Variants in AUTS2 observed in about 807,000 individuals in gnomAD.
AUTS2 encodes the protein autism susceptibility gene 2 protein.
AUTS2 carries 17 observed loss-of-function variants against 112.4 expected under a neutral mutation model. The ratio of observed to expected loss-of-function variants is 0.15; its 90% CI spans 0.10 to 0.23. The LOEUF (loss-of-function observed/expected upper bound fraction) is 0.23, where lower values mean the gene tolerates loss of function less well. AUTS2 is among the 10% of genes least tolerant of loss of function. The pLI, the probability that AUTS2 is intolerant of heterozygous loss-of-function variation, is 1.00. For missense variants in AUTS2, 1,510 were observed against 1,701.6 expected, an observed-to-expected ratio of 0.89 and a Z score of 1.98; for synonymous variants, 751 against 702.7, an observed-to-expected ratio of 1.07 and a Z score of -1.09.
chr7:70,430,207 G>A (rs140502123), intron 4 of AUTS2, among the ~76,000 whole-genome samples: 1 of 152,272 alleles, frequency 6.6e-6, no homozygotes, highest in South Asian at 2.1e-4. Flanking sequence ...CTTCACTTAC[G>A]CAGTTGAGTG....
intron 3 of AUTS2, among the ~76,000 whole-genome samples, chr7:70,126,665 T>C (rs1805986752): frequency 6.6e-6 from 1 of 152,174 alleles, no homozygotes; most frequent in Non-Finnish European, 1.5e-5. Flanking sequence ...ACTGAGGAAA[T>C]TTGTCAAAAG....
intron 2 of AUTS2, among the ~76,000 whole-genome samples, chr7:70,043,605 CT>C (rs1278951595): frequency 6.1e-5 from 1 of 16,456 alleles, no homozygotes; most frequent in Non-Finnish European, 1.3e-4. Flanking sequence ...TCCTTCCTTC[CT>C]TTTTTTTTTT....
At chr7:70,427,021 A>G (rs1795466100) in intron 4 of AUTS2, among the ~76,000 whole-genome samples, 1 of 149,462 alleles carries the variant, frequency 6.7e-6, no homozygotes, top group Non-Finnish European at 1.5e-5. Flanking sequence ...CAAAGCACCA[A>G]GAAACTATAT....
chr7:69,970,908 C>T (rs935240686), intron 2 of AUTS2, among the ~76,000 whole-genome samples: 1 of 152,182 alleles, frequency 6.6e-6, no homozygotes, highest in African/African-American at 2.4e-5. Flanking sequence ...TGTTGTGGCT[C>T]ATCCTTATAA....
intron 2 of AUTS2, among the ~76,000 whole-genome samples, chr7:70,117,803 C>T (rs1299488818): frequency 2.0e-5 from 3 of 151,028 alleles, no homozygotes; most frequent in Non-Finnish European, 4.4e-5. Flanking sequence ...GTCTGGAGTG[C>T]ACTGGTGCAA....
At chr7:69,722,683 CTG>C in intron 1 of AUTS2, among the ~76,000 whole-genome samples, 1 of 152,248 alleles carries the variant, frequency 6.6e-6, no homozygotes, top group Non-Finnish European at 1.5e-5. Flanking sequence ...TTTCATTTAA[CTG>C]TGTTTCATTT....
intron 4 of AUTS2, among the ~76,000 whole-genome samples, chr7:70,434,730 G>A (rs1292514085): frequency 6.6e-6 from 1 of 152,160 alleles, no homozygotes; most frequent in East Asian, 1.9e-4. Context: ...GCTAGTGTTT[G>A]TATCCCAGCT....
At chr7:70,468,982 G>A (rs1392370346) in intron 5 of AUTS2, among the ~76,000 whole-genome samples, 2 of 152,200 alleles carry the variant, frequency 1.3e-5, no homozygotes, top group African/African-American at 4.8e-5. Context: ...ACGGGACTCT[G>A]CCCTATATAA....
intron 6 of AUTS2, among the ~76,000 whole-genome samples, chr7:70,732,446 G>A (rs994543260): frequency 1.3e-5 from 2 of 152,250 alleles, no homozygotes; most frequent in African/African-American, 4.8e-5. Flanking sequence ...CTCAGTATCC[G>A]AGGTTCCTGG....
intron 4 of AUTS2, among the ~76,000 whole-genome samples, chr7:70,407,706 C>G (rs1794596245): frequency 6.6e-6 from 1 of 152,018 alleles, no homozygotes; most frequent in Non-Finnish European, 1.5e-5. Flanking sequence ...ATTGCTTGAG[C>G]CCAGGAGTTC....
chr7:70,103,288 C>A (rs1010048633), intron 2 of AUTS2, among the ~76,000 whole-genome samples: 1 of 152,184 alleles, frequency 6.6e-6, no homozygotes, highest in Non-Finnish European at 1.5e-5. Flanking sequence ...CCATCTCTTC[C>A]TTTCTGTTTA....
intron 4 of AUTS2, among the ~76,000 whole-genome samples, chr7:70,184,473 A>G (rs1470310353): frequency 2.4e-4 from 37 of 152,220 alleles, no homozygotes; most frequent in Admixed American, 2.3e-3. Flanking sequence ...CTAGAATGCA[A>G]GAACATGACT....
intron 5 of AUTS2, among the ~76,000 whole-genome samples, chr7:70,479,238 A>G (rs983888154): frequency 2.0e-5 from 3 of 152,260 alleles, no homozygotes; most frequent in African/African-American, 4.8e-5. Context: ...CTAAATGAAC[A>G]TTAATATAAA....
chr7:69,635,092 A>G (rs555433021), intron 1 of AUTS2, among the ~76,000 whole-genome samples: 1 of 152,186 alleles, frequency 6.6e-6, no homozygotes, highest in South Asian at 2.1e-4. Flanking sequence ...AACTGGCACA[A>G]ACTAAACTTG....
intron 1 of AUTS2, among the ~76,000 whole-genome samples, chr7:69,778,752 T>A (rs964303092): frequency 6.6e-6 from 1 of 152,002 alleles, no homozygotes; most frequent in African/African-American, 2.4e-5. Context: ...CTCTTAGGAG[T>A]CAGCATGATT....
intron 4 of AUTS2, among the ~76,000 whole-genome samples, chr7:70,221,019 C>T (rs137920355): frequency 5.6e-4 from 85 of 152,284 alleles, no homozygotes; most frequent in African/African-American, 2.0e-3. Flanking sequence ...CTGCTGGGCT[C>T]TGCCTCCTGA....
At chr7:70,472,369 G>GTT (rs55672214) in intron 5 of AUTS2, among the ~76,000 whole-genome samples, 59,261 of 144,134 alleles carry the variant, frequency 0.41, 12,305 homozygotes, top group African/African-American at 0.46. Context: ...TTGGGGTGGG[G>GTT]TTTTTTTTTT....
chr7:69,973,272 GT>G (rs1797929909), intron 2 of AUTS2, among the ~76,000 whole-genome samples: 1 of 152,040 alleles, frequency 6.6e-6, no homozygotes, highest in South Asian at 2.1e-4. Flanking sequence ...TTCAAATGTT[GT>G]TTTTTGTATC....
chr7:69,634,866 A>G (rs773307187), intron 1 of AUTS2, among the ~76,000 whole-genome samples: 13 of 152,202 alleles, frequency 8.5e-5, no homozygotes, highest in Non-Finnish European at 1.3e-4. Flanking sequence ...GGATTATTCT[A>G]ATGGGAATTC....
Sources: gnomAD v4.1 joint callset for allele counts (sites outside exome capture counted in the v4.1 genomes callset) on GRCh38, gnomAD v4.1.1 for gene constraint, MANE v1.5 for transcripts, NCBI Gene and HGNC (gene_info 2026-07-23, HGNC 2026-07-21) for gene names.